WDR64: variants seen among roughly 807,000 people sequenced by gnomAD.
WDR64 encodes the protein WD repeat domain 64.
WDR64 carries 112 observed loss-of-function variants against 139.3 expected under a neutral mutation model. That is an observed-to-expected ratio of 0.80 (90% confidence interval 0.69 to 0.94). WDR64 has a LOEUF of 0.94. Ranked by LOEUF, WDR64 falls within the 40% of genes least tolerant of loss-of-function variation. WDR64 has a pLI of 0.00. For synonymous variants in WDR64, 444 were observed against 437.7 expected (o/e 1.01, Z -0.18); for missense variants, 1,206 against 1,293.1 (o/e 0.93, Z 1.03).
chr1:241,751,032 A>G (rs1558506956), intron 14 of WDR64, among the ~76,000 whole-genome samples: 1 of 152,224 alleles, frequency 6.6e-6, no homozygotes, highest in Non-Finnish European at 1.5e-5. Flanking sequence ...CCTATTTGAA[A>G]TAAAATAATT....
At chr1:241,782,352 T>A (rs1252540700) in intron 22 of WDR64, among the ~76,000 whole-genome samples, 1 of 152,176 alleles carries the variant, frequency 6.6e-6, no homozygotes, top group African/African-American at 2.4e-5. Flanking sequence ...CCAGAGGGAA[T>A]TGAGTCAGAA....
chr1:241,719,512 G>C (rs935502076), intron 9 of WDR64, among the ~76,000 whole-genome samples: 5 of 152,002 alleles, frequency 3.3e-5, no homozygotes, highest in African/African-American at 1.2e-4. Context: ...TGGGATACTC[G>C]AAGAAGAGAA....
intron 4 of WDR64, among the ~76,000 whole-genome samples, chr1:241,676,654 A>G (rs1666565657): frequency 6.6e-6 from 1 of 152,180 alleles, no homozygotes; most frequent in South Asian, 2.1e-4. Flanking sequence ...AAAAGCTTAC[A>G]GATGGGCACG....
chr1:241,676,663 C>T (rs771127280), intron 4 of WDR64, among the ~76,000 whole-genome samples: 4 of 151,558 alleles, frequency 2.6e-5, no homozygotes, highest in African/African-American at 9.7e-5. Context: ...CAGATGGGCA[C>T]GTGTATACTC....
chr1:241,695,486 A>G (rs540032660), intron 8 of WDR64, among the ~76,000 whole-genome samples: 73 of 152,324 alleles, frequency 4.8e-4, no homozygotes, highest in African/African-American at 1.8e-3. Flanking sequence ...ACATCATTAC[A>G]TGGGATGATA....
chr1:241,748,116 C>T (rs1225456408), intron 13 of WDR64, among the ~76,000 whole-genome samples: 4 of 152,148 alleles, frequency 2.6e-5, no homozygotes, highest in African/African-American at 4.8e-5. Flanking sequence ...TCCGTCTTAC[C>T]GACAAAGCAA....
intron 8 of WDR64, among the ~76,000 whole-genome samples, chr1:241,709,591 GTAA>G (rs1668084844): frequency 6.6e-6 from 1 of 152,146 alleles, no homozygotes; most frequent in Non-Finnish European, 1.5e-5. Flanking sequence ...TCCAGCCTGG[GTAA>G]CAGAGTGAGA....
intron 10 of WDR64, among the ~76,000 whole-genome samples, chr1:241,729,888 T>C (rs1669012356): frequency 6.6e-6 from 1 of 152,216 alleles, no homozygotes. Context: ...ACATCCATGA[T>C]TGAGAACCTG....
At chr1:241,695,466 A>G (rs930796096) in intron 8 of WDR64, among the ~76,000 whole-genome samples, 1 of 152,176 alleles carries the variant, frequency 6.6e-6, no homozygotes. Flanking sequence ...AATATTACAC[A>G]TTTACCAGCA....
chr1:241,658,925 G>C (rs531557936), intron 1 of WDR64, among the ~76,000 whole-genome samples: 1 of 151,168 alleles, frequency 6.6e-6, no homozygotes, highest in South Asian at 2.1e-4. Flanking sequence ...TAAGTTCAGG[G>C]GTACGTGTGC....
intron 15 of WDR64, among the ~76,000 whole-genome samples, chr1:241,763,377 T>C (rs1482706085): frequency 1.3e-5 from 2 of 152,256 alleles, no homozygotes; most frequent in Admixed American, 6.5e-5. Flanking sequence ...ATTATAGCAC[T>C]TCCTTTTTGC....
intron 8 of WDR64, among the ~76,000 whole-genome samples, chr1:241,707,364 AGT>A (rs1420416548): frequency 6.6e-6 from 1 of 152,186 alleles, no homozygotes; most frequent in Non-Finnish European, 1.5e-5. Context: ...GTACACTTAG[AGT>A]CAACTGTCCT....
intron 21 of WDR64, among the ~76,000 whole-genome samples, chr1:241,776,020 T>G (rs1346332030): frequency 6.6e-6 from 1 of 150,812 alleles, no homozygotes; most frequent in Non-Finnish European, 1.5e-5. Flanking sequence ...TTTTCATACT[T>G]AAGTTTTCAT....
In WDR64 at chr1:241,740,306, G is replaced by A. The variant is rs1669486904; in HGVS notation, c.1322-1210G>A. 2.0e-5 allele frequency among the ~76,000 whole-genome samples: 3 copies of A among 152,318 alleles called. No homozygotes were observed. The South Asian group carries it at 6.2e-4, about 32-fold the overall frequency. ...TTGACGTCCATTCTGAATGAAGTCA[G>A]TTACTGTCACTGTAATGAAAAGGAT... On this transcript the variant is annotated intron_variant, in intron 11 of 27. Coordinates refer to ENST00000437684, the MANE Select transcript of WDR64 (RefSeq NM_001367482.1).
intron 6 of WDR64, among the ~76,000 whole-genome samples, chr1:241,679,843 C>T (rs1388153743): frequency 6.6e-6 from 1 of 152,080 alleles, no homozygotes; most frequent in African/African-American, 2.4e-5. Flanking sequence ...TAATTCCTTT[C>T]TTCTTTTATA....
Position 241,741,571 on chromosome 1 carries a change from G to T in WDR64, c.1377G>T (p.Gln459His), listed in dbSNP as rs1446894466. The part of the protein sequence containing the change: ...PLTRMIQDTK[Q>H]VPHTHEREIN... The stretch of plus-strand genomic sequence containing the variant: ...CTAGGATGATACAAGATACAAAACA[G>T]GTTCCTCACACTCATGAACGAGAAA... Residue 459 changes from glutamine to histidine, a missense_variant, in exon 12 of 28, where the codon CAG (glutamine) becomes CAT (histidine). Gln to His is a conservative substitution (Grantham distance 24). Transcript: ENST00000437684. 2 of 1,613,464 alleles carry T rather than the reference G, an allele frequency of 1.2e-6. No individual in the cohort carries two copies. Among genetic ancestry groups the T allele is most frequent in the Admixed American group, 3.3e-5 (2 of 59,958 alleles).
intron 25 of WDR64, among the ~76,000 whole-genome samples, chr1:241,794,397 T>G (rs1158465806): frequency 6.6e-6 from 1 of 152,050 alleles, no homozygotes; most frequent in Non-Finnish European, 1.5e-5. Flanking sequence ...AATCATTTTT[T>G]AAGTAACTTA....
chr1:241,742,891 T>G (rs1669602174), intron 12 of WDR64, among the ~76,000 whole-genome samples: 1 of 152,160 alleles, frequency 6.6e-6, no homozygotes, highest in South Asian at 2.1e-4. Context: ...ACTGAAGTCA[T>G]CCGGCAGTGA....
rs1666213180 is a variant in WDR64 at position 241,671,193 on chromosome 1, C to G, written c.379+17C>G. On this transcript the variant is annotated intron_variant, in intron 3 of 27. Coordinates refer to ENST00000437684, the MANE Select transcript of WDR64 (RefSeq NM_001367482.1). ...TAATTTCAGGTGACATTTTAATTTT[C>G]TCTTCCAAATTAGTATGAGTTTTAA... The G allele has an allele frequency of 6.8e-7, 1 of 1,469,754 alleles. No individual in the cohort carries two copies. Among genetic ancestry groups the G allele is most frequent in the Non-Finnish European group, 9.3e-7 (1 of 1,075,702 alleles). 91.0% of individuals were successfully genotyped at this position (1,469,754 alleles called of 1,614,324 possible).
Sources: gnomAD v4.1 joint callset for allele counts (sites outside exome capture counted in the v4.1 genomes callset) on GRCh38, gnomAD v4.1.1 for gene constraint, MANE v1.5 for transcripts, NCBI Gene and HGNC (gene_info 2026-07-23, HGNC 2026-07-21) for gene names.